GCDH: variants seen among roughly 807,000 people sequenced by gnomAD.
The protein encoded by GCDH is glutaryl-CoA dehydrogenase.
Under a neutral mutation model 52.8 loss-of-function variants are expected in GCDH, and 31 were observed. The observed-to-expected ratio is 0.59, with a 90% confidence interval of 0.44 to 0.79. The LOEUF is 0.79. Among genes scored for constraint, GCDH ranks in the 30% least tolerant of loss-of-function variants. The probability of loss-of-function intolerance (pLI) is 0.00; values close to 1 mark genes in which losing one functional copy is unlikely to be tolerated. For synonymous variants in GCDH, 242 were observed against 250.0 expected (o/e 0.97, Z 0.30); for missense variants, 509 against 595.0 (o/e 0.86, Z 1.50).
rs1260627949 is a variant in GCDH at position 12,891,165 on chromosome 19, C to T, written c.-72C>T. On this transcript the variant is annotated 5_prime_UTR_variant, in exon 1 of 12. Transcript: ENST00000222214. Reference sequence around the variant, plus strand: ...TGAGGTCAAAGGCCTGCGTCAGTTGCACTGTAGCCTCGGCAGTGAACCGGG... The same window carrying T: ...TGAGGTCAAAGGCCTGCGTCAGTTGTACTGTAGCCTCGGCAGTGAACCGGG... 3 of 696,568 alleles carry T rather than the reference C, an allele frequency of 4.3e-6. No individual in the cohort carries two copies. The highest frequency in any genetic ancestry group is 7.7e-6 in the Non-Finnish European group (3 of 387,876). 43.1% of individuals were successfully genotyped at this position (696,568 alleles called of 1,614,324 possible).
chr19:12,899,347 TTCACCA>T lies in GCDH; in HGVS notation c.1244-118_1244-113del, dbSNP rs747302250. ...GTGAGTCTCCCGGCAGCTGTCAGCA[TTCACCA>T]TCTCTGTTGGTCTGTACTTCTGAAG... On this transcript the variant is annotated intron_variant, in intron 11 of 11. Transcript: ENST00000222214. 15 of 1,613,910 alleles carry T rather than the reference TTCACCA, an allele frequency of 9.3e-6. No individual in the cohort carries two copies. The African/African-American group carries it at 1.9e-4, about 20-fold the overall frequency.
rs1970551010 is a variant in GCDH, at chr19:12,891,362, C to A, written c.58C>A (p.Leu20Ile). 2 of 1,613,718 alleles carry A rather than the reference C, an allele frequency of 1.2e-6. No homozygotes were observed. The highest frequency in any genetic ancestry group is 1.7e-6 in the Non-Finnish European group (2 of 1,180,022). The change falls in exon 2 of 12, where the codon CTT (leucine) becomes ATT (isoleucine). Residue 20 changes from leucine to isoleucine, a missense_variant. Leu to Ile is a conservative substitution (Grantham distance 5, BLOSUM62 2). Coordinates refer to ENST00000222214, the MANE Select transcript of GCDH (RefSeq NM_000159.4). ...LLSRGPGLHV[L>I]RTWVSSAAQT... is the part of the protein sequence containing the mutation. ...GAGCCGCGGACCCGGCCTGCACGTC[C>A]TTCGCACGTGGGTCTCGTCGGCGGC...
In GCDH at chr19:12,892,129, G is replaced by A. The variant is rs772071645; in HGVS notation, c.285G>A (p.Glu95=). The A allele has an allele frequency of 4.0e-5, 64 of 1,614,192 alleles. No individual in the cohort carries two copies. The East Asian group carries it at 1.1e-3, about 28-fold the overall frequency. Residue 95 remains glutamate (E), a synonymous_variant, in exon 5 of 12, where the codon GAG becomes GAA. Coordinates refer to ENST00000222214, the MANE Select transcript of GCDH (RefSeq NM_000159.4). ...GTCCCTTTGCAGTTTTTCATCGGGA[G>A]ATCATTTCGGAGATGGGGGAGTTGG... is the stretch of plus-strand genomic sequence containing the variant. The part of the protein sequence containing the change: ...LANRNEVFHR[E]IISEMGELGV...
At chr19:12,893,441 C>T in intron 5 of GCDH, 42 bp from the exon 6 acceptor site, 1 of 1,566,460 alleles carries the variant, frequency 6.4e-7, no homozygotes, top group Non-Finnish European at 8.8e-7. Context: ...TGGGCAGGGC[C>T]CTGTTCTCTA....
rs762136250 is a variant in GCDH at position 12,891,312 on chromosome 19, TGA to T, written c.12_13del (p.Gly5ArgfsTer37). 1 of 1,607,688 alleles carries T rather than the reference TGA, an allele frequency of 6.2e-7. No homozygotes were observed. Among genetic ancestry groups the T allele is most frequent in the South Asian group, 1.1e-5 (1 of 91,048 alleles). ...CGCTCGCTCTGAGAGAGCATGGCCC[TGA>T]GAGGCGTCTCCGTGCGGCTGCTGAG... On this transcript the variant is annotated frameshift_variant, in exon 2 of 12. Transcript: ENST00000222214. LOFTEE classifies it high-confidence loss of function.
rs1333507928 is a variant in GCDH at position 12,897,133 on chromosome 19, A to G, written c.956+120A>G. 27 of 1,180,632 alleles carry G rather than the reference A, an allele frequency of 2.3e-5. No individual in the cohort carries two copies. In the East Asian group the frequency reaches 6.1e-4, roughly 27 times the overall value. 73.1% of individuals were successfully genotyped at this position (1,180,632 alleles called of 1,614,324 possible). A position where few individuals can be genotyped will look rare whatever the true frequency, so the allele number is the denominator to read the frequency against. ...GGCCTGAGTTCCTTGCTCTGGAATG[A>G]CCAGTGACGTCCTTCTGAGCAGCTG... On this transcript the variant is annotated intron_variant, in intron 9 of 11. Coordinates refer to ENST00000222214, the MANE Select transcript of GCDH (RefSeq NM_000159.4).
intron 9 of GCDH, 118 bp downstream of exon 9, chr19:12,897,131 T>A (rs1444428178): frequency 1.7e-6 from 2 of 1,182,780 alleles, no homozygotes; most frequent in Non-Finnish European, 2.4e-6. Context: ...TGCTCTGGAA[T>A]GACCAGTGAC....
intron 10 of GCDH, 108 bp downstream of exon 10, chr19:12,897,536 C>T (rs1453299014): frequency 8.9e-6 from 13 of 1,457,888 alleles, no homozygotes; most frequent in East Asian, 6.8e-5. Flanking sequence ...GGGACCTGAA[C>T]CTTCTGCTGT....
rs745357523 is a variant in GCDH at position 12,896,365 on chromosome 19, A to C, written c.796A>C (p.Met266Leu). 1 of 1,614,106 alleles carries C rather than the reference A, an allele frequency of 6.2e-7. No homozygotes were observed. The highest frequency in any genetic ancestry group is 1.1e-5 in the South Asian group (1 of 91,078). Reference sequence around the variant, plus strand: ...GGCCTCAGCCACAGGCATGATCATCATGGACGGTGTGGAGGTGCCAGAGGA... The same window carrying C: ...GGCCTCAGCCACAGGCATGATCATCCTGGACGGTGTGGAGGTGCCAGAGGA... ...LRASATGMII[M>L]DGVEVPEENV... Residue 266 changes from methionine (M) to leucine (L), a missense_variant, in exon 8 of 12, where the codon ATG becomes CTG. Transcript: ENST00000222214. The surrounding 1 kb of genome is among the most constrained non-coding windows in gnomAD (Gnocchi z 5.5).
intron 10 of GCDH, 29 bp downstream of exon 10, chr19:12,897,457 A>C (rs1970712160): frequency 6.2e-7 from 1 of 1,605,788 alleles, no homozygotes. Flanking sequence ...GGGCGGGGGG[A>C]TGGCAGCGGT....
intron 3 of GCDH, 43 bp from the exon 4 acceptor site, chr19:12,891,788 C>T (rs762549022): frequency 6.2e-7 from 1 of 1,612,210 alleles, no homozygotes; most frequent in Non-Finnish European, 8.5e-7. Context: ...AGGGAGGGCA[C>T]AGTGATCTTG....
intron 11 of GCDH, 129 bp downstream of exon 11, chr19:12,897,992 C>A (rs1283926627): frequency 7.7e-6 from 6 of 783,558 alleles, no homozygotes; most frequent in East Asian, 5.3e-5. Context: ...CTGGGGCGAG[C>A]CTTACCCCTC....
chr19:12,899,751 C>T lies in GCDH; in HGVS notation c.*210C>T. The T allele has an allele frequency of 6.2e-7, 1 of 1,610,850 alleles. No homozygotes were observed. The highest frequency in any genetic ancestry group is 8.5e-7 in the Non-Finnish European group (1 of 1,177,954). ...AGATGGAATTCTCTGTAGAGCGTCTCAATCCACTTTTAACCATGGATGAGA... is the reference window on the plus strand; with the variant it reads ...AGATGGAATTCTCTGTAGAGCGTCTTAATCCACTTTTAACCATGGATGAGA... On this transcript the variant is annotated 3_prime_UTR_variant, in exon 12 of 12. Coordinates refer to ENST00000222214, the MANE Select transcript of GCDH (RefSeq NM_000159.4).
chr19:12,899,608 A>G lies in GCDH; in HGVS notation c.*67A>G, dbSNP rs1432502748. Reference sequence around the variant, plus strand: ...GAGAGATGCCTGGCTGGACCGTAGGAGCGCTGTGCTCTGAGCTTAGAAAGG... The same window carrying G: ...GAGAGATGCCTGGCTGGACCGTAGGGGCGCTGTGCTCTGAGCTTAGAAAGG... On this transcript the variant is annotated 3_prime_UTR_variant, in exon 12 of 12. Transcript: ENST00000222214. 3.1e-6 allele frequency: 5 copies of G among 1,613,650 alleles called. No homozygotes were observed. The East Asian group carries it at 8.9e-5, about 29-fold the overall frequency.
chr19:12,894,703 G>A (rs2145947021), intron 6 of GCDH: 2 of 796,364 alleles, frequency 2.5e-6, no homozygotes, highest in East Asian at 5.1e-5. Context: ...ACAAACAGCG[G>A]CGTATTGCTC....
chr19:12,899,222 T>G (rs1196805777), intron 11 of GCDH: 11 of 969,776 alleles, frequency 1.1e-5, no homozygotes, highest in Non-Finnish European at 1.8e-5. Context: ...GGGTTTTTGT[T>G]TTTTTCTGCC....
chr19:12,894,101 G>C, intron 6 of GCDH: 2 of 971,562 alleles, frequency 2.1e-6, no homozygotes, highest in Admixed American at 2.1e-5. Flanking sequence ...GCCCTCTTCC[G>C]TGGTGTCTCG....
At position 12,897,388 on chromosome 19, in the gene GCDH, C is replaced by T. The variant is rs1970709164; in HGVS notation, c.1042C>T (p.His348Tyr). 1 of 1,613,624 alleles carries T rather than the reference C, an allele frequency of 6.2e-7. No homozygotes were observed. The highest frequency in any genetic ancestry group is 1.3e-5 in the African/African-American group (1 of 74,892). The change falls in exon 10 of 12, where the codon CAC becomes TAC. Residue 348 changes from histidine (H) to tyrosine (Y), a missense_variant. By Grantham distance (83) the His-to-Tyr change is moderately conservative. Coordinates refer to ENST00000222214, the MANE Select transcript of GCDH (RefSeq NM_000159.4). ...DMLTEITLGL[H>Y]ACLQLGRLKD... ...GCTCACTGAGATTACCCTGGGCCTT[C>T]ACGCCTGCCTGCAGCTCGGCCGCTT...
chr19:12,895,248 G>A (rs1445911484), intron 6 of GCDH, among the ~76,000 whole-genome samples: 1 of 152,026 alleles, frequency 6.6e-6, no homozygotes, highest in African/African-American at 2.4e-5. Flanking sequence ...TCTGACTCAG[G>A]GGCGAGGGTA....
Sources: gnomAD v4.1 joint callset for allele counts (sites outside exome capture counted in the v4.1 genomes callset) on GRCh38, gnomAD v4.1.1 for gene constraint, Gnocchi (gnomAD v3.1) non-coding constraint, MANE v1.5 for transcripts, NCBI Gene and HGNC (gene_info 2026-07-23, HGNC 2026-07-21) for gene names.